The following SIAH1 variants were observed in gnomAD, a reference collection of about 807,000 sequenced individuals.
SIAH1 encodes E3 ubiquitin-protein ligase SIAH1.
Under a neutral mutation model 20.0 loss-of-function variants are expected in SIAH1, and 2 were observed. That is an observed-to-expected ratio of 0.10 (90% confidence interval 0.04 to 0.31). The LOEUF is 0.31. SIAH1 is among the 10% of genes least tolerant of loss of function. The probability of loss-of-function intolerance (pLI) is 1.00; values close to 1 mark genes in which losing one functional copy is unlikely to be tolerated. For synonymous variants in SIAH1, 118 were observed against 125.3 expected, an observed-to-expected ratio of 0.94 and a Z score of 0.39; for missense variants, 119 against 355.3, an observed-to-expected ratio of 0.33 and a Z score of 5.35.
rs78029544 is a variant in SIAH1, at chr16:48,362,578, T to A, written c.-2-148A>T. 1.0e-3 allele frequency: 793 copies of A among 772,734 alleles called. 1 individual carries two copies. Among genetic ancestry groups the A allele is most frequent in the Non-Finnish European group, 1.5e-3 (724 of 483,546 alleles). 47.9% of individuals were successfully genotyped at this position (772,734 alleles called of 1,614,324 possible). On this transcript the variant is annotated intron_variant, in intron 1 of 1. Coordinates refer to ENST00000394725, the MANE Select transcript of SIAH1 (RefSeq NM_003031.4). The surrounding 1 kb of genome is among the most constrained non-coding windows in gnomAD (Gnocchi z 4.2). ...AAGAAAAATAGGATTAAAAAAGATA[T>A]TAAAAAAATAAAATTACACTGAATG...
chr16:48,381,089 A>G (rs1961277224), intron 1 of SIAH1, among the ~76,000 whole-genome samples: 1 of 152,018 alleles, frequency 6.6e-6, no homozygotes, highest in Non-Finnish European at 1.5e-5. Context: ...AAAACTAAAG[A>G]TACTCTTCAC....
rs187758946 is a variant in SIAH1, at chr16:48,362,563, G to A, written c.-2-133C>T. The A allele has an allele frequency of 2.4e-3, 2,053 of 859,148 alleles. 13 individuals are homozygous for A. Among genetic ancestry groups the A allele is most frequent in the Non-Finnish European group, 1.8e-3 (1,031 of 559,752 alleles). The allele number at this position is 859,148 out of a possible 1,614,324, so 53.2% of individuals were successfully genotyped here. On this transcript the variant is annotated intron_variant, in intron 1 of 1. Coordinates refer to ENST00000394725, the MANE Select transcript of SIAH1 (RefSeq NM_003031.4). The surrounding 1 kb of genome is among the most constrained non-coding windows in gnomAD (Gnocchi z 4.2). ...ACTGAGCAAAAGAGGAAGAAAAATA[G>A]GATTAAAAAAGATATTAAAAAAATA...
chr16:48,380,928 C>CAAAAAAAAAAAAAAAAGAAA (rs1961264166), intron 1 of SIAH1, among the ~76,000 whole-genome samples: 1 of 44,956 alleles, frequency 2.2e-5, no homozygotes, highest in Non-Finnish European at 3.7e-5. Context: ...GACTCCGTCT[C>CAAAAAAAAAAAAAAAAGAAA]AAAAAAAAAA....
chr16:48,385,712 C>T (rs1453724880), upstream of SIAH1, among the ~76,000 whole-genome samples: 1 of 152,078 alleles, frequency 6.6e-6, no homozygotes, highest in East Asian at 1.9e-4. Context: ...CTCAGGGCAG[C>T]TCCTCCCGCG....
At chr16:48,377,542 C>A (rs1961142325) in intron 1 of SIAH1, among the ~76,000 whole-genome samples, 1 of 152,020 alleles carries the variant, frequency 6.6e-6, no homozygotes, top group Non-Finnish European at 1.5e-5. Context: ...GGGGATGACA[C>A]CATGCCCAGC....
chr16:48,361,512 A>G lies in SIAH1; in HGVS notation c.*68T>C, dbSNP rs1436525331. 6.5e-7 allele frequency: 1 copy of G among 1,534,344 alleles called. No homozygotes were observed. The highest frequency in any genetic ancestry group is 8.9e-7 in the Non-Finnish European group (1 of 1,119,532). On this transcript the variant is annotated 3_prime_UTR_variant, in exon 2 of 2. Coordinates refer to ENST00000394725, the MANE Select transcript of SIAH1 (RefSeq NM_003031.4). ...CCGAAAGAGTTTTAGGTTGGCAGAC[A>G]GATGGGTGCCTTATTTTCTGTGAAA... is the stretch of plus-strand genomic sequence containing the variant.
intron 1 of SIAH1, among the ~76,000 whole-genome samples, chr16:48,367,987 G>C (rs560050601): frequency 6.6e-6 from 1 of 152,316 alleles, no homozygotes; most frequent in East Asian, 1.9e-4. Flanking sequence ...CTTTAATGTT[G>C]TCTTAGTAAT....
intron 1 of SIAH1, among the ~76,000 whole-genome samples, chr16:48,379,390 A>G (rs951616490): frequency 1.3e-4 from 20 of 152,256 alleles, no homozygotes; most frequent in Non-Finnish European, 2.5e-4. Context: ...AAAGGCACAG[A>G]GATGCTAAAG....
At chr16:48,378,513 G>T (rs1291892146) in intron 1 of SIAH1, among the ~76,000 whole-genome samples, 1 of 152,196 alleles carries the variant, frequency 6.6e-6, no homozygotes, top group African/African-American at 2.4e-5. Context: ...CTGGGAGGTG[G>T]TTACAATAGC....
chr16:48,381,151 C>G (rs1961279915), intron 1 of SIAH1, among the ~76,000 whole-genome samples: 1 of 151,936 alleles, frequency 6.6e-6, no homozygotes, highest in African/African-American at 2.4e-5. Context: ...TCAAGACCAG[C>G]CTGGCCGACA....
intron 1 of SIAH1, among the ~76,000 whole-genome samples, chr16:48,384,922 G>C (rs1188728357): frequency 6.9e-6 from 1 of 145,064 alleles, no homozygotes; most frequent in Non-Finnish European, 1.5e-5. Flanking sequence ...CCCCGCCCTC[G>C]GCCCGGCCGC....
At chr16:48,371,904 T>A (rs1232655652) in intron 1 of SIAH1, among the ~76,000 whole-genome samples, 1 of 152,228 alleles carries the variant, frequency 6.6e-6, no homozygotes, top group East Asian at 1.9e-4. Flanking sequence ...CTGTGCTTTT[T>A]AAAACCTTAC....
At chr16:48,380,426 C>T (rs1484914775) in intron 1 of SIAH1, among the ~76,000 whole-genome samples, 3 of 151,770 alleles carry the variant, frequency 2.0e-5, no homozygotes, top group Non-Finnish European at 4.4e-5. Flanking sequence ...GCACTCCAGT[C>T]TGGACAAGAG....
rs755878844 is a variant in SIAH1, at chr16:48,381,576, A to G, written c.-3+3628T>C. 1.9e-3 allele frequency among the ~76,000 whole-genome samples: 285 copies of G among 152,354 alleles called. 1 individual carries two copies. Among genetic ancestry groups the G allele is most frequent in the Non-Finnish European group, 2.5e-3 (168 of 68,036 alleles). ...AGACAACAGATTATTATGCAGCCCT[A>G]AAGAAATGAATTACCAAGCCATAAA... On this transcript the variant is annotated intron_variant, in intron 1 of 1. Transcript: ENST00000394725.
In SIAH1 at chr16:48,361,504, T is replaced by G. The variant is rs765362779; in HGVS notation, c.*76A>C. On this transcript the variant is annotated 3_prime_UTR_variant, in exon 2 of 2. Transcript: ENST00000394725. ...TCCACCTACCGAAAGAGTTTTAGGT[T>G]GGCAGACAGATGGGTGCCTTATTTT... is the stretch of plus-strand genomic sequence containing the variant. 13 of 1,473,722 alleles carry G rather than the reference T, an allele frequency of 8.8e-6. No homozygotes were observed. In the South Asian group the frequency reaches 9.1e-5, roughly 10 times the overall value. 91.3% of individuals were successfully genotyped at this position (1,473,722 alleles called of 1,614,324 possible). A position where few individuals can be genotyped will look rare whatever the true frequency, so the allele number is the denominator to read the frequency against.
intron 1 of SIAH1, among the ~76,000 whole-genome samples, chr16:48,383,521 G>C (rs1330225990): frequency 6.6e-6 from 1 of 152,114 alleles, no homozygotes; most frequent in Non-Finnish European, 1.5e-5. Flanking sequence ...AAAAGTGATG[G>C]TAACACCATA....
In SIAH1 at chr16:48,374,094, C is replaced by T. The variant is rs531474194; in HGVS notation, c.-3+11110G>A. Among the ~76,000 whole-genome samples, 6 of 152,288 alleles carry T rather than the reference C, an allele frequency of 3.9e-5. No individual in the cohort carries two copies. In the East Asian group the frequency reaches 5.8e-4, roughly 15 times the overall value. Reference sequence around the variant, plus strand: ...ACTCCTAAATCTTTGGCCCATCTCACGCCTCCTACTCTTTTCCCAGCAAAG... The same window carrying T: ...ACTCCTAAATCTTTGGCCCATCTCATGCCTCCTACTCTTTTCCCAGCAAAG... On this transcript the variant is annotated intron_variant, in intron 1 of 1. Transcript: ENST00000394725.
intron 1 of SIAH1, among the ~76,000 whole-genome samples, chr16:48,380,965 C>T (rs1289905339): frequency 8.4e-6 from 1 of 118,716 alleles, no homozygotes; most frequent in African/African-American, 3.1e-5. Context: ...AAATCCAGAA[C>T]AGTGGTAGCT....
chr16:48,372,172 T>A (rs1309564966), intron 1 of SIAH1, among the ~76,000 whole-genome samples: 1 of 152,188 alleles, frequency 6.6e-6, no homozygotes, highest in Non-Finnish European at 1.5e-5. Flanking sequence ...ATATTTTGAT[T>A]GATGGCTCTT....
Sources: allele counts gnomAD v4.1 joint callset (sites outside exome capture counted in the v4.1 genomes callset), GRCh38; gene constraint gnomAD v4.1.1; non-coding constraint Gnocchi (gnomAD v3.1); transcripts MANE v1.5; gene names NCBI Gene and HGNC (gene_info 2026-07-23, HGNC 2026-07-21).